Variants in ALK observed in about 807,000 individuals in gnomAD.
The protein encoded by ALK is ALK receptor tyrosine kinase.
A neutral mutation model predicts 163.1 loss-of-function variants in ALK; 74 were observed. That is an observed-to-expected ratio of 0.45 (90% CI 0.38 to 0.55). The LOEUF (loss-of-function observed/expected upper bound fraction) is 0.55, where lower values mean the gene tolerates loss of function less well. Ranked by LOEUF, ALK falls within the 20% of genes least tolerant of loss-of-function variation. ALK has a pLI of 0.00. For synonymous variants in ALK, 960 were observed against 843.2 expected (o/e 1.14, Z -2.40); for missense variants, 2,063 against 2,105.3 (o/e 0.98, Z 0.39).
intron 1 of ALK, among the ~76,000 whole-genome samples, chr2:29,915,542 A>G (rs1306501012): frequency 2.0e-5 from 3 of 152,130 alleles, no homozygotes; most frequent in Non-Finnish European, 2.9e-5. Context: ...TTTATTAATA[A>G]TCACACTCTC....
chr2:29,536,846 G>C (rs1558373170), intron 3 of ALK, among the ~76,000 whole-genome samples: 2 of 152,212 alleles, frequency 1.3e-5, no homozygotes, highest in Non-Finnish European at 2.9e-5. Flanking sequence ...AAGGTAACCT[G>C]TGTTACACCT....
At chr2:29,421,145 A>T (rs181108523) in intron 4 of ALK, among the ~76,000 whole-genome samples, 2 of 151,650 alleles carry the variant, frequency 1.3e-5, no homozygotes, top group South Asian at 2.1e-4. Flanking sequence ...GACAACGGAC[A>T]TCCTCTGCTG....
At chr2:29,916,200 A>G (rs1051602273) in intron 1 of ALK, among the ~76,000 whole-genome samples, 1 of 152,244 alleles carries the variant, frequency 6.6e-6, no homozygotes, top group African/African-American at 2.4e-5. Flanking sequence ...CCATAGTCAG[A>G]GGAATATCAA....
chr2:29,338,393 C>T (rs1667689132), intron 5 of ALK, among the ~76,000 whole-genome samples: 1 of 152,196 alleles, frequency 6.6e-6, no homozygotes, highest in Non-Finnish European at 1.5e-5. Flanking sequence ...GTTTCTGTAG[C>T]ATTCAGTCCA....
intron 1 of ALK, among the ~76,000 whole-genome samples, chr2:29,739,004 A>G (rs536425827): frequency 1.3e-5 from 2 of 151,908 alleles, no homozygotes; most frequent in African/African-American, 4.8e-5. Context: ...TGGGAAGCCA[A>G]GGTAGGAGGA....
chr2:29,726,212 C>T (rs1048750198), intron 1 of ALK, among the ~76,000 whole-genome samples: 2 of 152,172 alleles, frequency 1.3e-5, no homozygotes, highest in Admixed American at 1.3e-4. Context: ...CAACATGACT[C>T]TCTGTTTGGG....
At chr2:29,238,230 T>C (rs1276009834) in intron 13 of ALK, among the ~76,000 whole-genome samples, 1 of 152,196 alleles carries the variant, frequency 6.6e-6, no homozygotes, top group Non-Finnish European at 1.5e-5. Context: ...AGAGTTTTGC[T>C]CTGTTGCCCA....
intron 4 of ALK, among the ~76,000 whole-genome samples, chr2:29,498,027 T>C (rs909855274): frequency 6.6e-6 from 1 of 152,196 alleles, no homozygotes; most frequent in South Asian, 2.1e-4. Context: ...ACTAACTTCA[T>C]TAGGATTCAT....
intron 3 of ALK, among the ~76,000 whole-genome samples, chr2:29,689,730 T>C (rs1678341335): frequency 1.3e-5 from 2 of 152,192 alleles, no homozygotes; most frequent in South Asian, 4.1e-4. Flanking sequence ...ATAGAGTATT[T>C]GCAGATGTTA....
chr2:29,382,425 C>T (rs554406677), intron 5 of ALK, among the ~76,000 whole-genome samples: 2 of 152,254 alleles, frequency 1.3e-5, no homozygotes, highest in South Asian at 4.2e-4. Flanking sequence ...TTTTAACATG[C>T]AAAGAATTTT....
intron 1 of ALK, among the ~76,000 whole-genome samples, chr2:29,720,218 A>T (rs1679382398): frequency 6.6e-6 from 1 of 152,108 alleles, no homozygotes; most frequent in African/African-American, 2.4e-5. Flanking sequence ...GTTTAAAAAA[A>T]AAGAAAGCTT....
chr2:29,205,992 A>G lies in ALK; in HGVS notation c.3938+1179T>C, dbSNP rs544691570. 5.9e-5 allele frequency among the ~76,000 whole-genome samples: 9 copies of G among 152,198 alleles called. No homozygotes were observed. In the South Asian group the frequency reaches 1.9e-3, roughly 32 times the overall value. On this transcript the variant is annotated intron_variant, in intron 26 of 28. Coordinates refer to ENST00000389048, the MANE Select transcript of ALK (RefSeq NM_004304.5). Reference sequence around the variant, plus strand: ...CCAGTTGCCAGTATTCTTGGTGCTGAGGGGCCAGTGGGGGCCAGGACCAGG... The same window carrying G: ...CCAGTTGCCAGTATTCTTGGTGCTGGGGGGCCAGTGGGGGCCAGGACCAGG...
chr2:29,797,037 C>CAT (rs1289912043), intron 1 of ALK, among the ~76,000 whole-genome samples: 11 of 151,558 alleles, frequency 7.3e-5, no homozygotes, highest in Non-Finnish European at 1.3e-4. Context: ...CATACACACA[C>CAT]ATATATATAT....
chr2:29,723,827 G>T (rs1356021837), intron 1 of ALK, among the ~76,000 whole-genome samples: 1 of 152,130 alleles, frequency 6.6e-6, no homozygotes, highest in Admixed American at 6.5e-5. Context: ...GGGAGTCTTG[G>T]TCTCTTTTCT....
intron 1 of ALK, among the ~76,000 whole-genome samples, chr2:29,770,825 G>A (rs1237182645): frequency 6.6e-6 from 1 of 151,932 alleles, no homozygotes; most frequent in Non-Finnish European, 1.5e-5. Context: ...GAGAGTGCCA[G>A]AAAGAGAACA....
chr2:29,761,235 T>C (rs1225305428), intron 1 of ALK, among the ~76,000 whole-genome samples: 1 of 152,190 alleles, frequency 6.6e-6, no homozygotes, highest in Non-Finnish European at 1.5e-5. Context: ...AGGTTCCATT[T>C]ATAAATTTGG....
chr2:29,565,493 G>A (rs1674152740), intron 3 of ALK, among the ~76,000 whole-genome samples: 4 of 152,134 alleles, frequency 2.6e-5, no homozygotes. Flanking sequence ...TCAAGCAGGT[G>A]GATTATGGAA....
chr2:29,313,348 T>G (rs1666743490), intron 8 of ALK, among the ~76,000 whole-genome samples: 1 of 152,166 alleles, frequency 6.6e-6, no homozygotes, highest in Non-Finnish European at 1.5e-5. Flanking sequence ...GCCCACCCAA[T>G]GAACAAACTC....
In ALK at chr2:29,768,937, G is replaced by A. The variant is rs137867832; in HGVS notation, c.668-51240C>T. Reference sequence around the variant, plus strand: ...CAGCCTTGACTTCCTGGGCTCAAGCGATCCTCCCGCCTCAGCTTCCCAAGT... The same window carrying A: ...CAGCCTTGACTTCCTGGGCTCAAGCAATCCTCCCGCCTCAGCTTCCCAAGT... On this transcript the variant is annotated intron_variant, in intron 1 of 28. Transcript: ENST00000389048. 4.2e-3 allele frequency among the ~76,000 whole-genome samples: 642 copies of A among 151,922 alleles called. 7 individuals are homozygous for A. The highest frequency in any genetic ancestry group is 0.014 in the African/African-American group (587 of 41,436).
Sources: allele counts gnomAD v4.1 joint callset (sites outside exome capture counted in the v4.1 genomes callset), GRCh38; gene constraint gnomAD v4.1.1; transcripts MANE v1.5; gene names NCBI Gene and HGNC (gene_info 2026-07-23, HGNC 2026-07-21).